The following MAT1A variants were observed in gnomAD, a reference collection of about 807,000 sequenced individuals.
MAT1A encodes the protein S-adenosylmethionine synthase isoform type-1.
Under a neutral mutation model 44.0 loss-of-function variants are expected in MAT1A, and 19 were observed. That is an observed-to-expected ratio of 0.43 (90% CI 0.30 to 0.63). The LOEUF is 0.63. Ranked by LOEUF, MAT1A falls within the 30% of genes least tolerant of loss-of-function variation. The pLI is 0.12. For synonymous variants in MAT1A, 205 were observed against 205.6 expected (o/e 1.00, Z 0.03); for missense variants, 397 against 531.0 (o/e 0.75, Z 2.48).
At chr10:80,279,177 C>T (rs1564646615) in intron 5 of MAT1A, among the ~76,000 whole-genome samples, 1 of 152,100 alleles carries the variant, frequency 6.6e-6, no homozygotes, top group African/African-American at 2.4e-5. Context: ...CTGGAATTTC[C>T]AAGCAGGGAG....
Position 80,274,578 on chromosome 10 carries a change from G to A in MAT1A, c.1027C>T (p.Arg343Ter), listed in dbSNP as rs1456459077. The A allele has an allele frequency of 3.7e-6, 6 of 1,614,160 alleles. No individual in the cohort carries two copies. Among genetic ancestry groups the A allele is most frequent in the East Asian group, 2.2e-5 (1 of 44,886 alleles). Reference protein sequence around the residue: ...FTYGTSQKTERELLDVVHKNF... With the variant: ...FTYGTSQKTE The stretch of plus-strand genomic sequence containing the variant: ...TTATGCACCACATCCAGCAGCTCTC[G>A]CTCTGTCTTCTGAGAGGTTCCGTAG... Residue 343 changes from arginine (R) to a stop codon, truncating the protein, a stop_gained, in exon 8 of 9, where the codon CGA (arginine) becomes TGA (stop). Transcript: ENST00000372213. LOFTEE classifies it high-confidence loss of function.
In MAT1A at chr10:80,277,436, C is replaced by T. The variant is rs369057730; in HGVS notation, c.550-842G>A. Among the ~76,000 whole-genome samples the T allele has an allele frequency of 1.1e-3, 166 of 152,292 alleles. 3 individuals carry two copies. In the South Asian group the frequency reaches 0.034, roughly 31 times the overall value. On this transcript the variant is annotated intron_variant, in intron 5 of 8. Transcript: ENST00000372213. Reference sequence around the variant, plus strand: ...TCTGTGTTCTGCCTGGTCTAAGGAGCAACAAGGAAGGTCCAGAAGAAGTAG... The same window carrying T: ...TCTGTGTTCTGCCTGGTCTAAGGAGTAACAAGGAAGGTCCAGAAGAAGTAG...
At chr10:80,275,304 C>A in intron 6 of MAT1A, 105 bp from the exon 7 acceptor site, 2 of 1,014,128 alleles carry the variant, frequency 2.0e-6, no homozygotes, top group Non-Finnish European at 3.0e-6. Context: ...GGAAGGATGT[C>A]CTGGGGCTGC....
Position 80,276,412 on chromosome 10 carries a change from C to G in MAT1A, c.732G>C (p.Leu244=), listed in dbSNP as rs745528082. The G allele has an allele frequency of 2.5e-6, 4 of 1,614,176 alleles. No homozygotes were observed. The highest frequency in any genetic ancestry group is 1.6e-4 in the Middle Eastern group (1 of 6,062). Residue 244 remains leucine (L), a synonymous_variant, in exon 6 of 9, where the codon CTG becomes CTC. Transcript: ENST00000372213. ...CGATGACAAACCGCCCACTGGGCTG[C>G]AGGTGGTAGACGGTGTCTTCGTCCA... is the stretch of plus-strand genomic sequence containing the variant. ...KYLDEDTVYH[L]QPSGRFVIGG...
chr10:80,283,976 C>G lies in MAT1A; in HGVS notation c.232G>C (p.Asp78His). ...GTGTCCCTCACCACCCGCTGGTAGT[C>G]CACCATGGCCATTGAGGTGATCTCA... The part of the protein sequence containing the change: ...CGEITSMAMV[D>H]YQRVVRDTIK... Residue 78 changes from aspartate to histidine, a missense_variant, in exon 3 of 9, where the codon GAC (aspartate) becomes CAC (histidine). By Grantham distance (81) the Asp-to-His change is moderately conservative. Coordinates refer to ENST00000372213, the MANE Select transcript of MAT1A (RefSeq NM_000429.3). The G allele has an allele frequency of 6.2e-7, 1 of 1,614,220 alleles. No homozygotes were observed. Among genetic ancestry groups the G allele is most frequent in the Non-Finnish European group, 8.5e-7 (1 of 1,180,040 alleles).
In MAT1A at chr10:80,273,453, G is replaced by T; in HGVS notation, c.*328C>A. 2.8e-6 allele frequency: 1 copy of T among 355,402 alleles called. No individual in the cohort carries two copies. The highest frequency in any genetic ancestry group is 5.5e-6 in the Non-Finnish European group (1 of 182,948). The allele number at this position is 355,402 out of a possible 1,614,324, so 22.0% of individuals were successfully genotyped here. A position where few individuals can be genotyped will look rare whatever the true frequency, so the allele number is the denominator to read the frequency against. Reference sequence around the variant, plus strand: ...GCACAGGCAAGGGGAGGGAGGGGGAGCTGGTCAGGGTCCAGCTGTTGGGGG... The same window carrying T: ...GCACAGGCAAGGGGAGGGAGGGGGATCTGGTCAGGGTCCAGCTGTTGGGGG... On this transcript the variant is annotated 3_prime_UTR_variant, in exon 9 of 9. Transcript: ENST00000372213.
At chr10:80,281,513 G>A (rs780004458) in intron 3 of MAT1A, among the ~76,000 whole-genome samples, 1 of 152,102 alleles carries the variant, frequency 6.6e-6, no homozygotes, top group Non-Finnish European at 1.5e-5. Context: ...GCTATGCACC[G>A]AGACCGTGCG....
At position 80,284,148 on chromosome 10, in the gene MAT1A, A is replaced by G. The variant is rs561640682; in HGVS notation, c.170-110T>C. The G allele has an allele frequency of 7.2e-6, 10 of 1,398,062 alleles. No homozygotes were observed. In the Admixed American group the frequency reaches 1.9e-4, roughly 27 times the overall value. 86.6% of individuals were successfully genotyped at this position (1,398,062 alleles called of 1,614,324 possible). A position where few individuals can be genotyped will look rare whatever the true frequency, so the allele number is the denominator to read the frequency against. ...ACAGAAAAGACACAGGAGGGGCCTT[A>G]CGAGGAATGGATTCCAGAAGGAAAA... is the stretch of plus-strand genomic sequence containing the variant. On this transcript the variant is annotated intron_variant, in intron 2 of 8. Transcript: ENST00000372213.
In MAT1A at chr10:80,275,169, T is replaced by C. The variant is rs1841469568; in HGVS notation, c.799A>G (p.Ile267Val). The change falls in exon 7 of 9, where the codon ATT (isoleucine) becomes GTT (valine). Residue 267 changes from isoleucine to valine, a missense_variant. Physicochemically the swap from Ile to Val is conservative, Grantham distance 29. Transcript: ENST00000372213. ...GDAGVTGRKI[I>V]VDTYGGWGAH... The stretch of plus-strand genomic sequence containing the variant: ...CCCCAGCCGCCATAGGTGTCCACAA[T>C]AATCTTACGGCCAGTGACACCCGCA... The C allele has an allele frequency of 6.2e-7, 1 of 1,613,546 alleles. No homozygotes were observed.
In MAT1A at chr10:80,285,634, A is replaced by T. The variant is rs771537037; in HGVS notation, c.92-45T>A. On this transcript the variant is annotated intron_variant, in intron 1 of 8. Transcript: ENST00000372213. Reference sequence around the variant, plus strand: ...GGTCAGAATCACAAAAATATTCGGGATAACAAATTGAAATCTTAAAATAAT... The same window carrying T: ...GGTCAGAATCACAAAAATATTCGGGTTAACAAATTGAAATCTTAAAATAAT... 10 of 1,290,352 alleles carry T rather than the reference A, an allele frequency of 7.7e-6. No homozygotes were observed. In the Admixed American group the frequency reaches 1.2e-4, roughly 15 times the overall value. 79.9% of individuals were successfully genotyped at this position (1,290,352 alleles called of 1,614,324 possible). A position where few individuals can be genotyped will look rare whatever the true frequency, so the allele number is the denominator to read the frequency against.
At chr10:80,275,351 T>C (rs905872818) in intron 6 of MAT1A, 152 bp from the exon 7 acceptor site, 7 of 702,396 alleles carry the variant, frequency 1.0e-5, no homozygotes, top group Non-Finnish European at 1.8e-5. Flanking sequence ...AGCCCAGAAC[T>C]CTGGACTCCA....
chr10:80,283,967 G>A lies in MAT1A; in HGVS notation c.241C>T (p.Arg81Trp), dbSNP rs750570720. 39 of 1,614,182 alleles carry A rather than the reference G, an allele frequency of 2.4e-5. No homozygotes were observed. In the Admixed American group the frequency reaches 3.0e-4, roughly 12 times the overall value. The change falls in exon 3 of 9, where the codon CGG becomes TGG. Residue 81 changes from arginine (R) to tryptophan (W), a missense_variant. Arg to Trp is a moderately radical substitution (Grantham distance 101). Coordinates refer to ENST00000372213, the MANE Select transcript of MAT1A (RefSeq NM_000429.3). Reference sequence around the variant, plus strand: ...TGCTTGATGGTGTCCCTCACCACCCGCTGGTAGTCCACCATGGCCATTGAG... The same window carrying A: ...TGCTTGATGGTGTCCCTCACCACCCACTGGTAGTCCACCATGGCCATTGAG... ...ITSMAMVDYQ[R>W]VVRDTIKHIG...
At chr10:80,282,500 A>G (rs1841580302) in intron 3 of MAT1A, among the ~76,000 whole-genome samples, 1 of 152,230 alleles carries the variant, frequency 6.6e-6, no homozygotes, top group South Asian at 2.1e-4. Context: ...TAATGCAGAA[A>G]AAGTTTTGCA....
intron 6 of MAT1A, among the ~76,000 whole-genome samples, 195 bp downstream of exon 6, chr10:80,276,179 ACT>A (rs1841483574): frequency 6.6e-6 from 1 of 152,034 alleles, no homozygotes; most frequent in Admixed American, 6.6e-5. Context: ...TTTCTTGCAC[ACT>A]GTCAGACACA....
intron 1 of MAT1A, among the ~76,000 whole-genome samples, chr10:80,286,775 G>T (rs551785566): frequency 8.7e-4 from 133 of 152,288 alleles, no homozygotes; most frequent in African/African-American, 3.1e-3. Flanking sequence ...CCCACAGTCT[G>T]CTCTTAATAG....
At position 80,289,568 on chromosome 10, in the gene MAT1A, C is replaced by G. The variant is rs1257488731; in HGVS notation, c.-145G>C. 2.8e-6 allele frequency: 2 copies of G among 708,964 alleles called. No individual in the cohort carries two copies. The highest frequency in any genetic ancestry group is 5.1e-6 in the Non-Finnish European group (2 of 391,152). 43.9% of individuals were successfully genotyped at this position (708,964 alleles called of 1,614,324 possible). The stretch of plus-strand genomic sequence containing the variant: ...AGCCACGGGGATCACTTCTGCCTAA[C>G]TGCCTGTGAGCACGTGAGAACAGGC... On this transcript the variant is annotated 5_prime_UTR_variant, in exon 1 of 9. Transcript: ENST00000372213.
At position 80,280,239 on chromosome 10, in the gene MAT1A, G is replaced by A. The variant is rs753853381; in HGVS notation, c.483C>T (p.Asn161=). 21 of 1,613,988 alleles carry A rather than the reference G, an allele frequency of 1.3e-5. No individual in the cohort carries two copies. The highest frequency in any genetic ancestry group is 1.6e-4 in the Middle Eastern group (1 of 6,084). ...AGCGCCTGAGGTCTGCCATCCGGGC[G>A]TTGAGCTTGTGAGCAAGGATGATGG... ...PLTIILAHKL[N]ARMADLRRSG... The change falls in exon 5 of 9, where the codon AAC becomes AAT. Residue 161 remains asparagine (N), a synonymous_variant. Transcript: ENST00000372213.
At chr10:80,283,815 T>C (rs764009047) in intron 3 of MAT1A, 101 bp downstream of exon 3, 76 of 1,559,492 alleles carry the variant, frequency 4.9e-5, no homozygotes, top group South Asian at 1.8e-4. Context: ...CCTGGTAGTA[T>C]TGATGCTCCC....
intron 1 of MAT1A, among the ~76,000 whole-genome samples, chr10:80,288,356 T>A (rs188087106): frequency 6.6e-6 from 1 of 152,300 alleles, no homozygotes; most frequent in Admixed American, 6.5e-5. Flanking sequence ...CAAGACCTAC[T>A]GAATCAGAAA....
Sources: allele counts gnomAD v4.1 joint callset (sites outside exome capture counted in the v4.1 genomes callset), GRCh38; gene constraint gnomAD v4.1.1; transcripts MANE v1.5; gene names NCBI Gene and HGNC (gene_info 2026-07-23, HGNC 2026-07-21).